CHL1: variants seen among roughly 807,000 people sequenced by gnomAD.
The protein encoded by CHL1 is cell adhesion molecule L1 like.
CHL1 carries 96 observed loss-of-function variants against 141.9 expected under a neutral mutation model. The ratio of observed to expected loss-of-function variants is 0.68; its 90% CI spans 0.57 to 0.80. The LOEUF (loss-of-function observed/expected upper bound fraction) is 0.80. Among genes scored for constraint, CHL1 ranks in the 30% least tolerant of loss-of-function variants. The pLI is 0.00. For synonymous variants in CHL1, 613 were observed against 502.2 expected (o/e 1.22, Z -2.95); for missense variants, 1,820 against 1,457.2 (o/e 1.25, Z -4.05).
At chr3:241,362 G>C (rs554764907) in intron 1 of CHL1, among the ~76,000 whole-genome samples, 2 of 152,022 alleles carry the variant, frequency 1.3e-5, no homozygotes, top group African/African-American at 4.8e-5. Flanking sequence ...TGATGTAGAG[G>C]GTATGTTGTG....
At chr3:389,816 A>G (rs1345017534) in intron 20 of CHL1, among the ~76,000 whole-genome samples, 1 of 152,168 alleles carries the variant, frequency 6.6e-6, no homozygotes, top group African/African-American at 2.4e-5. Flanking sequence ...CTTTGCCCTT[A>G]CTTGTCAAGG....
intron 2 of CHL1, among the ~76,000 whole-genome samples, chr3:263,108 G>A (rs1459045064): frequency 1.3e-5 from 2 of 152,192 alleles, no homozygotes; most frequent in Non-Finnish European, 2.9e-5. Context: ...AGATTTCTCT[G>A]CTAAATAAGT....
chr3:207,697 A>C (rs1396980139), intron 1 of CHL1, among the ~76,000 whole-genome samples: 7 of 152,222 alleles, frequency 4.6e-5, no homozygotes, highest in Admixed American at 3.9e-4. Context: ...ATCTGAGTGA[A>C]TGGATAAAGA....
chr3:227,587 G>T (rs547094917), intron 1 of CHL1, among the ~76,000 whole-genome samples: 1 of 152,330 alleles, frequency 6.6e-6, no homozygotes, highest in South Asian at 2.1e-4. Flanking sequence ...CTGAATTCTG[G>T]AGACAATAGC....
intron 15 of CHL1, chr3:376,417 A>G (rs1706330083): frequency 1.9e-6 from 1 of 516,872 alleles, no homozygotes; most frequent in Admixed American, 1.9e-5. Context: ...GACATTTTTA[A>G]TAAGTTCTTT....
In CHL1 at chr3:361,767, T is replaced by C; in HGVS notation, c.1375T>C (p.Leu459=). 1 of 1,613,702 alleles carries C rather than the reference T, an allele frequency of 6.2e-7. No individual in the cohort carries two copies. The highest frequency in any genetic ancestry group is 1.1e-5 in the South Asian group (1 of 91,064). The change falls in exon 13 of 28, where the codon TTA becomes CTA. Residue 459 remains leucine, a synonymous_variant. Coordinates refer to ENST00000256509, the MANE Select transcript of CHL1 (RefSeq NM_006614.4). ...TACAGTGGTTGGGTACAGTGCTTTC[T>C]TACATTGCGAGTTCTTTGCTTCACC... ...YATVVGYSAF[L]HCEFFASPEA...
In CHL1 at chr3:361,690, T is replaced by G; in HGVS notation, c.1307-9T>G. The G allele has an allele frequency of 6.3e-7, 1 of 1,593,560 alleles. No individual in the cohort carries two copies. The highest frequency in any genetic ancestry group is 8.6e-7 in the Non-Finnish European group (1 of 1,162,194). ...AGTTTAAAACTGCGTTTATGTTATT[T>G]TCAAATAGATGTCCGTCCATTGATA... On this transcript the variant is annotated splice_polypyrimidine_tract_variant and intron_variant, in intron 12 of 27. Coordinates refer to ENST00000256509, the MANE Select transcript of CHL1 (RefSeq NM_006614.4).
chr3:348,231 G>A (rs1449576650), intron 9 of CHL1, among the ~76,000 whole-genome samples: 1 of 152,160 alleles, frequency 6.6e-6, no homozygotes, highest in African/African-American at 2.4e-5. Context: ...TATTGCTCCA[G>A]TGACCTTAAG....
At chr3:346,924 T>C (rs1290563545) in intron 9 of CHL1, among the ~76,000 whole-genome samples, 1 of 152,116 alleles carries the variant, frequency 6.6e-6, no homozygotes, top group African/African-American at 2.4e-5. Context: ...GTCTAATACA[T>C]TTTACTTGAA....
chr3:291,851 C>G (rs947754797), intron 2 of CHL1, among the ~76,000 whole-genome samples: 3 of 152,156 alleles, frequency 2.0e-5, no homozygotes, highest in Non-Finnish European at 4.4e-5. Flanking sequence ...TTTTAAAATC[C>G]TGCTGACTAG....
At chr3:339,797 A>G (rs966195159) in intron 5 of CHL1, among the ~76,000 whole-genome samples, 6 of 152,196 alleles carry the variant, frequency 3.9e-5, no homozygotes, top group Admixed American at 3.9e-4. Context: ...TAAATGAGTA[A>G]ACCTTTATAT....
At chr3:360,153 G>A in intron 11 of CHL1, 131 bp from the exon 12 acceptor site, 1 of 882,556 alleles carries the variant, frequency 1.1e-6, no homozygotes, top group Non-Finnish European at 1.7e-6. Context: ...CTAAAGAATT[G>A]GCTTCAATGA....
At chr3:300,215 T>G (rs114862446) in intron 2 of CHL1, among the ~76,000 whole-genome samples, 2 of 152,174 alleles carry the variant, frequency 1.3e-5, no homozygotes, top group African/African-American at 4.8e-5. Flanking sequence ...AGATATCAGT[T>G]TGAATCACTA....
Position 314,343 on chromosome 3 carries a change from A to G in CHL1, c.-94-5340A>G, listed in dbSNP as rs992393705. Among the ~76,000 whole-genome samples the G allele has an allele frequency of 3.4e-4, 23 of 67,212 alleles. 1 individual carries two copies. Among genetic ancestry groups the G allele is most frequent in the African/African-American group, 1.4e-3 (22 of 15,544 alleles). The allele number at this position is 67,212 out of a possible 152,430, so 44.1% of individuals were successfully genotyped here. ...TCTCTCTATGTGTATATATATATAT[A>G]TATATATATATATATATATATATAT... On this transcript the variant is annotated intron_variant, in intron 2 of 27. Coordinates refer to ENST00000256509, the MANE Select transcript of CHL1 (RefSeq NM_006614.4).
At chr3:315,258 T>A (rs538302735) in intron 2 of CHL1, among the ~76,000 whole-genome samples, 1 of 152,234 alleles carries the variant, frequency 6.6e-6, no homozygotes, top group East Asian at 1.9e-4. Flanking sequence ...TACAGCTGAG[T>A]GAGCAGGCTG....
intron 2 of CHL1, among the ~76,000 whole-genome samples, chr3:310,929 C>T (rs1285875220): frequency 1.3e-5 from 2 of 152,204 alleles, no homozygotes; most frequent in Non-Finnish European, 2.9e-5. Flanking sequence ...TATCTTTTTA[C>T]TTTCTCAATA....
At position 389,489 on chromosome 3, in the gene CHL1, T is replaced by C. The variant is rs1241352896; in HGVS notation, c.2470+15T>C. On this transcript the variant is annotated intron_variant, in intron 20 of 27. Transcript: ENST00000256509. ...TGGAGAAGACTGTAAGTGATGCACC[T>C]AAAACTGCTAAGCACGTCAGTAACT... 7.6e-6 allele frequency: 12 copies of C among 1,583,504 alleles called. No homozygotes were observed. Among genetic ancestry groups the C allele is most frequent in the Non-Finnish European group, 1.0e-5 (12 of 1,152,760 alleles).
chr3:312,265 T>C (rs1330692952), intron 2 of CHL1, among the ~76,000 whole-genome samples: 1 of 152,206 alleles, frequency 6.6e-6, no homozygotes, highest in Non-Finnish European at 1.5e-5. Flanking sequence ...GTGTACAAAA[T>C]GTGCCAGCTC....
rs148282682 is a variant in CHL1 at position 391,009 on chromosome 3, G to C, written c.2641G>C (p.Val881Leu). 6.2e-7 allele frequency: 1 copy of C among 1,614,186 alleles called. No homozygotes were observed. Among genetic ancestry groups the C allele is most frequent in the South Asian group, 1.1e-5 (1 of 91,080 alleles). ...GGATGGAAGAACACATCCCAAAGAA[G>C]TGAACATTCTAAGATTTTCAGGACA... The part of the protein sequence containing the change: ...LLDGRTHPKE[V>L]NILRFSGQRN... Residue 881 changes from valine to leucine, a missense_variant, in exon 22 of 28, where the codon GTG (valine) becomes CTG (leucine). Val to Leu is a conservative substitution (Grantham distance 32, BLOSUM62 1). Transcript: ENST00000256509.
Sources: gnomAD v4.1 joint callset for allele counts (sites outside exome capture counted in the v4.1 genomes callset) on GRCh38, gnomAD v4.1.1 for gene constraint, MANE v1.5 for transcripts, NCBI Gene and HGNC (gene_info 2026-07-23, HGNC 2026-07-21) for gene names.